REV1: variants seen among roughly 807,000 people sequenced by gnomAD.
REV1 encodes translesion synthesis protein REV1.
Under a neutral mutation model 137.4 loss-of-function variants are expected in REV1, and 42 were observed. The ratio of observed to expected loss-of-function variants is 0.31; its 90% CI spans 0.24 to 0.40. The LOEUF is 0.40. REV1 is among the 10% of genes least tolerant of loss of function. The pLI, the probability that REV1 is intolerant of heterozygous loss-of-function variation, is 1.00. For synonymous variants in REV1, 524 were observed against 519.2 expected (o/e 1.01, Z -0.12); for missense variants, 1,282 against 1,490.1 (o/e 0.86, Z 2.30).
At chr2:99,469,392 C>A (rs1018371823) in intron 1 of REV1, among the ~76,000 whole-genome samples, 2 of 152,196 alleles carry the variant, frequency 1.3e-5, no homozygotes, top group African/African-American at 4.8e-5. Flanking sequence ...AATCTCCCAA[C>A]CCTCGAAAGG....
At chr2:99,464,864 A>T (rs1684622628) in intron 2 of REV1, 58 bp downstream of exon 2, 17 of 1,502,370 alleles carry the variant, frequency 1.1e-5, no homozygotes, top group Non-Finnish European at 1.5e-5. Context: ...ATTATAACAG[A>T]AGAATGAAAA....
rs781125570 is a variant in REV1, at chr2:99,418,783, T to C, written c.1951+45A>G. 115 of 1,556,594 alleles carry C rather than the reference T, an allele frequency of 7.4e-5. No homozygotes were observed. The Middle Eastern group carries it at 1.6e-3, about 21-fold the overall frequency. On this transcript the variant is annotated intron_variant, in intron 12 of 22. Coordinates refer to ENST00000258428, the MANE Select transcript of REV1 (RefSeq NM_016316.4). The stretch of plus-strand genomic sequence containing the variant: ...TCTATATTATAGATATGAAAAGTAC[T>C]TGTAATGCCTGTAATAAAAGTATTG...
chr2:99,478,356 G>A (rs1157695985), intron 1 of REV1, among the ~76,000 whole-genome samples: 1 of 152,124 alleles, frequency 6.6e-6, no homozygotes, highest in African/African-American at 2.4e-5. Flanking sequence ...AAACCACATG[G>A]CCCAATTGCA....
At chr2:99,442,753 A>T (rs1681679635) in intron 4 of REV1, among the ~76,000 whole-genome samples, 1 of 152,174 alleles carries the variant, frequency 6.6e-6, no homozygotes, top group Non-Finnish European at 1.5e-5. Context: ...ACTTCATCAA[A>T]ATCTCATCTA....
At chr2:99,482,265 A>C (rs1396244576) in intron 1 of REV1, among the ~76,000 whole-genome samples, 1 of 152,268 alleles carries the variant, frequency 6.6e-6, no homozygotes, top group Non-Finnish European at 1.5e-5. Flanking sequence ...CGTCCTGAGG[A>C]CATGGAAGCT....
chr2:99,429,971 AT>A (rs1294334867), intron 8 of REV1, 23 bp from the exon 9 acceptor site: 2 of 1,408,388 alleles, frequency 1.4e-6, no homozygotes, highest in African/African-American at 2.9e-5. Flanking sequence ...AAAAAAATTA[AT>A]GGTTATATGT....
intron 2 of REV1, 95 bp from the exon 3 acceptor site, chr2:99,462,717 G>C: frequency 8.1e-7 from 1 of 1,241,464 alleles, no homozygotes; most frequent in Non-Finnish European, 1.1e-6. Flanking sequence ...TAAATAAATG[G>C]ACCTTATTCT....
chr2:99,478,624 C>G (rs891986093), intron 1 of REV1, among the ~76,000 whole-genome samples: 1 of 152,088 alleles, frequency 6.6e-6, no homozygotes, highest in Non-Finnish European at 1.5e-5. Context: ...AGCAGAAGAG[C>G]TAGTAACAGG....
chr2:99,439,061 G>A lies in REV1; in HGVS notation c.753C>T (p.Ser251=), dbSNP rs764557609. 2.5e-6 allele frequency: 4 copies of A among 1,614,114 alleles called. No individual in the cohort carries two copies. Among genetic ancestry groups the A allele is most frequent in the Non-Finnish European group, 3.4e-6 (4 of 1,179,998 alleles). Residue 251 remains serine (S), a synonymous_variant, in exon 6 of 23, where the codon AGC becomes AGT. Coordinates refer to ENST00000258428, the MANE Select transcript of REV1 (RefSeq NM_016316.4). ...CCTGGGAAAAGGCTGGAGAAAGCCTGCTGGCAACACTGTTGACCATGGGCA... is the reference window on the plus strand; with the variant it reads ...CCTGGGAAAAGGCTGGAGAAAGCCTACTGGCAACACTGTTGACCATGGGCA... ...CLVPMVNSVA[S]RLSPAFSQEE...
At chr2:99,416,574 G>A (rs1294050064) in intron 12 of REV1, among the ~76,000 whole-genome samples, 1 of 152,176 alleles carries the variant, frequency 6.6e-6, no homozygotes, top group Non-Finnish European at 1.5e-5. Flanking sequence ...TCTCCCTTAG[G>A]AAATTCAAGG....
chr2:99,435,264 A>C (rs747100898), intron 7 of REV1, among the ~76,000 whole-genome samples: 1 of 152,228 alleles, frequency 6.6e-6, no homozygotes, highest in East Asian at 1.9e-4. Context: ...ACACTAAGTT[A>C]TCTCTTTCAG....
intron 2 of REV1, among the ~76,000 whole-genome samples, chr2:99,463,475 G>C (rs145115153): frequency 6.6e-6 from 1 of 152,138 alleles, no homozygotes; most frequent in Non-Finnish European, 1.5e-5. Flanking sequence ...AGCTGAGATC[G>C]TGCTATTGCA....
At chr2:99,450,213 C>T (rs1287854639) in intron 3 of REV1, among the ~76,000 whole-genome samples, 1 of 151,996 alleles carries the variant, frequency 6.6e-6, no homozygotes, top group Non-Finnish European at 1.5e-5. Flanking sequence ...CAGAAAATAT[C>T]TTATATGTCT....
chr2:99,401,670 C>T (rs1471264210), intron 22 of REV1, among the ~76,000 whole-genome samples: 1 of 152,124 alleles, frequency 6.6e-6, no homozygotes, highest in Non-Finnish European at 1.5e-5. Flanking sequence ...TCACTGGAAC[C>T]CAGGAGGCAG....
chr2:99,406,300 A>G, intron 16 of REV1, 25 bp downstream of exon 16: 1 of 1,582,886 alleles, frequency 6.3e-7, no homozygotes, highest in East Asian at 2.2e-5. Context: ...GCACCTAAAA[A>G]AGAACCACAT....
In REV1 at chr2:99,488,791, C is replaced by T. The variant is rs183062942; in HGVS notation, c.-11+1026G>A. Reference sequence around the variant, plus strand: ...CCTACCCTACCTAAACAGGAAATGGCTTATTCTCGGAGACTAAAGTGCCAA... The same window carrying T: ...CCTACCCTACCTAAACAGGAAATGGTTTATTCTCGGAGACTAAAGTGCCAA... On this transcript the variant is annotated intron_variant, in intron 1 of 22. Transcript: ENST00000258428. Among the ~76,000 whole-genome samples the T allele has an allele frequency of 4.3e-4, 66 of 152,306 alleles. 1 individual carries two copies. The highest frequency in any genetic ancestry group is 1.6e-3 in the African/African-American group (66 of 41,562).
intron 9 of REV1, chr2:99,424,695 A>C: frequency 8.2e-7 from 1 of 1,217,942 alleles, no homozygotes; most frequent in African/African-American, 1.6e-5. Flanking sequence ...TCATCCCCCA[A>C]AGACAAAGAA....
intron 1 of REV1, among the ~76,000 whole-genome samples, chr2:99,475,701 T>C (rs1028970458): frequency 1.3e-5 from 2 of 151,322 alleles, no homozygotes; most frequent in African/African-American, 4.8e-5. Flanking sequence ...AAAAAATAAA[T>C]AGGCCAGGCA....
At position 99,487,629 on chromosome 2, in the gene REV1, C is replaced by G. The variant is rs953673083; in HGVS notation, c.-11+2188G>C. On this transcript the variant is annotated intron_variant, in intron 1 of 22. Coordinates refer to ENST00000258428, the MANE Select transcript of REV1 (RefSeq NM_016316.4). ...GTCCATGTTAACGCTTCAGTTGGTG[C>G]TATTATAGTAAAAAAAAACTTTTCA... 7.8e-4 allele frequency among the ~76,000 whole-genome samples: 91 copies of G among 116,874 alleles called. 28 individuals are homozygous for G. Among genetic ancestry groups the G allele is most frequent in the African/African-American group, 2.8e-3 (87 of 31,616 alleles). The allele number at this position is 116,874 out of a possible 152,430, so 76.7% of individuals were successfully genotyped here. A position where few individuals can be genotyped will look rare whatever the true frequency, so the allele number is the denominator to read the frequency against.
Sources: gnomAD v4.1 joint callset for allele counts (sites outside exome capture counted in the v4.1 genomes callset) on GRCh38, gnomAD v4.1.1 for gene constraint, MANE v1.5 for transcripts, NCBI Gene and HGNC (gene_info 2026-07-23, HGNC 2026-07-21) for gene names.